PPP4R3A: variants seen among roughly 807,000 people sequenced by gnomAD.
The protein encoded by PPP4R3A is serine/threonine-protein phosphatase 4 regulatory subunit 3A.
PPP4R3A carries 15 observed loss-of-function variants against 91.7 expected under a neutral mutation model. The observed-to-expected ratio is 0.16, with a 90% CI of 0.11 to 0.25. The LOEUF (loss-of-function observed/expected upper bound fraction) is 0.25, where lower values mean the gene tolerates loss of function less well. Among genes scored for constraint, PPP4R3A ranks in the 10% least tolerant of loss-of-function variants. PPP4R3A has a pLI of 1.00. For missense variants in PPP4R3A, 623 were observed against 998.4 expected (o/e 0.62, Z 5.07); for synonymous variants, 377 against 348.7 (o/e 1.08, Z -0.91).
chr14:91,466,940 A>AACACACACAAACACACAC (rs1555434432), intron 10 of PPP4R3A, among the ~76,000 whole-genome samples: 1,913 of 147,554 alleles, frequency 0.013, 24 homozygotes, highest in Middle Eastern at 0.041. Context: ...GTCCTACCAT[A>AACACACACAAACACACAC]ACACACACAC....
At chr14:91,474,516 GT>G (rs1258304367) in intron 7 of PPP4R3A, 1 of 152,176 alleles carries the variant, frequency 6.6e-6, no homozygotes, top group African/African-American at 2.4e-5. Flanking sequence ...GAGTCCTACT[GT>G]GTGTATTTTG....
At chr14:91,485,597 A>G in intron 3 of PPP4R3A, 35 bp downstream of exon 3, 1 of 1,470,498 alleles carries the variant, frequency 6.8e-7, no homozygotes, top group Non-Finnish European at 9.4e-7. Context: ...AAACACTTAA[A>G]GAAAGCATGT....
In PPP4R3A at chr14:91,483,704, T is replaced by C. The variant is rs530970510; in HGVS notation, c.298-1511A>G. On this transcript the variant is annotated intron_variant, in intron 3 of 14. Transcript: ENST00000554943. Reference sequence around the variant, plus strand: ...TGACTTTCTTGGATCTAGAAAATGATTGAGAAGTTCAGACAGAACCCATAA... The same window carrying C: ...TGACTTTCTTGGATCTAGAAAATGACTGAGAAGTTCAGACAGAACCCATAA... Among the ~76,000 whole-genome samples, 69 of 152,210 alleles carry C rather than the reference T, an allele frequency of 4.5e-4. No individual in the cohort carries two copies. The South Asian group carries it at 4.8e-3, about 11-fold the overall frequency.
chr14:91,510,026 C>A lies in PPP4R3A; in HGVS notation c.-379G>T. The A allele has an allele frequency of 1.1e-6, 1 of 887,494 alleles. No homozygotes were observed. The highest frequency in any genetic ancestry group is 1.4e-6 in the Non-Finnish European group (1 of 737,464). The allele number at this position is 887,494 out of a possible 1,614,324, so 55.0% of individuals were successfully genotyped here. A position where few individuals can be genotyped will look rare whatever the true frequency, so the allele number is the denominator to read the frequency against. On this transcript the variant is annotated 5_prime_UTR_variant, in exon 1 of 15. Transcript: ENST00000554943. ...CGCGAAGCAGCTTCCCGCGCCGCCG[C>A]CGCCTCCTCAGGCCGCCGCCGCCGC...
intron 6 of PPP4R3A, 95 bp downstream of exon 6, chr14:91,476,313 A>C: frequency 1.0e-6 from 1 of 968,600 alleles, no homozygotes. Flanking sequence ...CTAATTTCAA[A>C]TATTGGCTAT....
intron 10 of PPP4R3A, among the ~76,000 whole-genome samples, chr14:91,466,678 T>C (rs899450971): frequency 5.9e-5 from 9 of 152,196 alleles, no homozygotes; most frequent in Non-Finnish European, 1.3e-4. Context: ...TTTTAAACAC[T>C]AAGAGGCATC....
chr14:91,484,971 C>T (rs943646785), intron 3 of PPP4R3A, among the ~76,000 whole-genome samples: 6 of 151,874 alleles, frequency 4.0e-5, no homozygotes, highest in Non-Finnish European at 7.4e-5. Context: ...CCTAGAGGCA[C>T]GGTAAGGCTG....
chr14:91,478,639 C>G (rs527571470), intron 4 of PPP4R3A, among the ~76,000 whole-genome samples: 1 of 152,206 alleles, frequency 6.6e-6, no homozygotes, highest in Admixed American at 6.5e-5. Context: ...GTATGAAGAC[C>G]AAGAAAACAC....
At chr14:91,507,629 T>C (rs1891487945) in intron 1 of PPP4R3A, among the ~76,000 whole-genome samples, 1 of 39,532 alleles carries the variant, frequency 2.5e-5, no homozygotes, top group African/African-American at 1.0e-4. Flanking sequence ...TACTATTATA[T>C]ATACTATAAT....
At position 91,481,944 on chromosome 14, in the gene PPP4R3A, A is replaced by T. The variant is rs775640436; in HGVS notation, c.547T>A (p.Leu183Met). ...LLELFHVCED[L>M]ENIEGLHHLY... Reference sequence around the variant, plus strand: ...TGGTGCAGTCCTTCAATATTTTCCAAATCTTCACACACATGAAAAAGCTCC... The same window carrying T: ...TGGTGCAGTCCTTCAATATTTTCCATATCTTCACACACATGAAAAAGCTCC... The change falls in exon 4 of 15, where the codon TTG (leucine) becomes ATG (methionine). Residue 183 changes from leucine (L) to methionine (M), a missense_variant. Leu to Met is a conservative substitution (Grantham distance 15). Coordinates refer to ENST00000554943, the MANE Select transcript of PPP4R3A (RefSeq NM_001366432.2). The T allele has an allele frequency of 6.2e-7, 1 of 1,613,892 alleles. No homozygotes were observed. Among genetic ancestry groups the T allele is most frequent in the Admixed American group, 1.7e-5 (1 of 59,942 alleles).
chr14:91,482,141 G>T lies in PPP4R3A; in HGVS notation c.350C>A (p.Ser117Tyr), dbSNP rs1470388848. 1.2e-6 allele frequency: 2 copies of T among 1,614,076 alleles called. No homozygotes were observed. The highest frequency in any genetic ancestry group is 1.1e-5 in the South Asian group (1 of 91,086). Residue 117 changes from serine (S) to tyrosine (Y), a missense_variant, in exon 4 of 15, where the codon TCT becomes TAT. Physicochemically the swap from Ser to Tyr is moderately radical, Grantham distance 144. This residue lies in a region of PPP4R3A where 20 missense variants were observed against 75.6 expected (regional missense o/e 0.26). Transcript: ENST00000554943. ...CATATCATCAAAACGCTCCTCTTCAGATTCATCCACAAGGTCCTGAGTGAT... is the reference window on the plus strand; with the variant it reads ...CATATCATCAAAACGCTCCTCTTCATATTCATCCACAAGGTCCTGAGTGAT... ...VDITQDLVDESEEERFDDMSS... is the reference protein window; with the variant it reads ...VDITQDLVDEYEEERFDDMSS...
chr14:91,460,901 G>C (rs1017825499), intron 14 of PPP4R3A, among the ~76,000 whole-genome samples: 1 of 152,152 alleles, frequency 6.6e-6, no homozygotes, highest in Admixed American at 6.5e-5. Flanking sequence ...TTACAGGCGT[G>C]AGCCACCGTG....
chr14:91,468,667 CAAAAA>C (rs766250846), intron 10 of PPP4R3A, among the ~76,000 whole-genome samples: 16 of 45,042 alleles, frequency 3.6e-4, no homozygotes, highest in African/African-American at 1.1e-3. Context: ...GACTCCGTCT[CAAAAA>C]AAAAAAAAAA....
intron 2 of PPP4R3A, among the ~76,000 whole-genome samples, chr14:91,486,925 T>TA (rs1416357778): frequency 1.3e-3 from 114 of 89,974 alleles, no homozygotes; most frequent in African/African-American, 4.8e-3. Flanking sequence ...AAAAAAAAAA[T>TA]AGAGAGTCAA....
intron 5 of PPP4R3A, among the ~76,000 whole-genome samples, 159 bp downstream of exon 5, chr14:91,476,750 A>AC (rs1179931826): frequency 2.0e-5 from 3 of 152,172 alleles, no homozygotes; most frequent in Non-Finnish European, 4.4e-5. Context: ...ACTTTTTAGT[A>AC]GAGATGGGGT....
chr14:91,460,250 T>C (rs1888043803), intron 14 of PPP4R3A, among the ~76,000 whole-genome samples: 1 of 152,086 alleles, frequency 6.6e-6, no homozygotes, highest in South Asian at 2.1e-4. Context: ...CCTGACCTCG[T>C]GACCCACCCC....
chr14:91,467,038 A>G (rs1475139902), intron 10 of PPP4R3A, among the ~76,000 whole-genome samples: 1 of 152,214 alleles, frequency 6.6e-6, no homozygotes, highest in Non-Finnish European at 1.5e-5. Context: ...AAGGGAATGT[A>G]GATGGCACCA....
Position 91,458,553 on chromosome 14 carries a change from A to G in PPP4R3A, c.*206T>C. On this transcript the variant is annotated 3_prime_UTR_variant, in exon 15 of 15. Transcript: ENST00000554943. Reference sequence around the variant, plus strand: ...TGTGTGGTCCAAGCTGGAGAGCTCAAAGGCTTAAGTCTTTCCCCTAAATAT... The same window carrying G: ...TGTGTGGTCCAAGCTGGAGAGCTCAGAGGCTTAAGTCTTTCCCCTAAATAT... 2 of 729,978 alleles carry G rather than the reference A, an allele frequency of 2.7e-6. No individual in the cohort carries two copies. Among genetic ancestry groups the G allele is most frequent in the South Asian group, 1.5e-5 (1 of 66,344 alleles). The allele number at this position is 729,978 out of a possible 1,614,324, so 45.2% of individuals were successfully genotyped here.
Position 91,485,960 on chromosome 14 carries a change from T to C in PPP4R3A, c.199-230A>G, listed in dbSNP as rs569199587. 1.2e-4 allele frequency among the ~76,000 whole-genome samples: 18 copies of C among 152,346 alleles called. No homozygotes were observed. The South Asian group carries it at 3.5e-3, about 30-fold the overall frequency. On this transcript the variant is annotated intron_variant, in intron 2 of 14. Transcript: ENST00000554943. ...ACAACTTAAACCAATATATGAAATA[T>C]ATTCTTTTCATGCATTGCAAAAGAT...
Sources: gnomAD v4.1 joint callset for allele counts (sites outside exome capture counted in the v4.1 genomes callset) on GRCh38, gnomAD v4.1.1 for gene constraint, gnomAD v4.1.1 regional missense constraint, MANE v1.5 for transcripts, NCBI Gene and HGNC (gene_info 2026-07-23, HGNC 2026-07-21) for gene names.